Variants in TAF1B observed in about 807,000 individuals in gnomAD.
TAF1B encodes TATA-box binding protein associated factor, RNA polymerase I subunit B, also known as TATA box-binding protein-associated factor RNA polymerase I subunit B.
Under a neutral mutation model 83.9 loss-of-function variants are expected in TAF1B, and 61 were observed. That is an observed-to-expected ratio of 0.73 (90% confidence interval 0.59 to 0.90). The LOEUF is 0.90. TAF1B is among the 40% of genes least tolerant of loss of function. The pLI is 0.00. For missense variants in TAF1B, 625 were observed against 677.0 expected (o/e 0.92, Z 0.85); for synonymous variants, 221 against 224.6 (o/e 0.98, Z 0.14).
intron 8 of TAF1B, among the ~76,000 whole-genome samples, chr2:9,886,308 A>T (rs1331031888): frequency 6.6e-6 from 1 of 152,068 alleles, no homozygotes; most frequent in African/African-American, 2.4e-5. Context: ...CTTGATCTGC[A>T]GTCCAGTGCT....
chr2:9,920,667 A>G (rs910684982), intron 14 of TAF1B, among the ~76,000 whole-genome samples: 6 of 152,064 alleles, frequency 3.9e-5, no homozygotes, highest in African/African-American at 9.7e-5. Flanking sequence ...TGTAGTTACT[A>G]TGTTTCCCCT....
intron 14 of TAF1B, among the ~76,000 whole-genome samples, chr2:9,927,653 G>C (rs1270668660): frequency 6.6e-6 from 1 of 152,162 alleles, no homozygotes; most frequent in Non-Finnish European, 1.5e-5. Context: ...GTGTCTGTTG[G>C]CTGCATAAAT....
chr2:9,873,232 G>T (rs1275615508), intron 6 of TAF1B, among the ~76,000 whole-genome samples: 1 of 152,170 alleles, frequency 6.6e-6, no homozygotes, highest in Non-Finnish European at 1.5e-5. Flanking sequence ...TGTTTATATT[G>T]TAGTAGGAGG....
intron 12 of TAF1B, among the ~76,000 whole-genome samples, chr2:9,915,494 G>A (rs12477755): frequency 0.28 from 42,470 of 151,624 alleles, 6,920 homozygotes; most frequent in Middle Eastern, 0.4. Flanking sequence ...TTGAAAAGAC[G>A]TTTTACCAAA....
chr2:9,909,067 TTC>T (rs1428347790), intron 9 of TAF1B, among the ~76,000 whole-genome samples: 1 of 152,244 alleles, frequency 6.6e-6, no homozygotes, highest in African/African-American at 2.4e-5. Context: ...GTTATATGTG[TTC>T]TGTTTCTATG....
intron 9 of TAF1B, among the ~76,000 whole-genome samples, chr2:9,909,070 T>G (rs1665441245): frequency 6.6e-6 from 1 of 152,270 alleles, no homozygotes; most frequent in African/African-American, 2.4e-5. Flanking sequence ...ATATGTGTTC[T>G]GTTTCTATGT....
At chr2:9,864,691 T>G (rs1473586498) in intron 5 of TAF1B, among the ~76,000 whole-genome samples, 1 of 152,134 alleles carries the variant, frequency 6.6e-6, no homozygotes, top group Non-Finnish European at 1.5e-5. Context: ...AAATCCTCAA[T>G]AAAATACTGG....
chr2:9,925,589 G>T (rs1348077091), intron 14 of TAF1B, among the ~76,000 whole-genome samples: 1 of 147,340 alleles, frequency 6.8e-6, no homozygotes, highest in Admixed American at 6.7e-5. Flanking sequence ...TGGGGTGTTT[G>T]TTTTTTTTTT....
intron 8 of TAF1B, among the ~76,000 whole-genome samples, chr2:9,892,522 T>A (rs938428718): frequency 6.6e-6 from 1 of 152,234 alleles, no homozygotes; most frequent in African/African-American, 2.4e-5. Context: ...TTCATATAAG[T>A]GAGATCATGC....
At chr2:9,920,419 G>A (rs1026656687) in intron 14 of TAF1B, among the ~76,000 whole-genome samples, 2 of 152,068 alleles carry the variant, frequency 1.3e-5, no homozygotes, top group Non-Finnish European at 2.9e-5. Flanking sequence ...ATGACATTGA[G>A]CTGTATTTTT....
intron 9 of TAF1B, among the ~76,000 whole-genome samples, chr2:9,906,169 C>G (rs1028242110): frequency 6.6e-6 from 1 of 152,064 alleles, no homozygotes; most frequent in Non-Finnish European, 1.5e-5. Flanking sequence ...CAGGGATTAT[C>G]AAAATATAAC....
At chr2:9,885,902 T>A (rs954934458) in intron 8 of TAF1B, among the ~76,000 whole-genome samples, 1 of 152,190 alleles carries the variant, frequency 6.6e-6, no homozygotes, top group Admixed American at 6.5e-5. Context: ...AACCAAATTA[T>A]AAGCTCCTCA....
At chr2:9,924,304 C>T (rs2125182652) in intron 14 of TAF1B, among the ~76,000 whole-genome samples, 1 of 152,304 alleles carries the variant, frequency 6.6e-6, no homozygotes, top group South Asian at 2.1e-4. Context: ...CTCAGAGCCC[C>T]TGACTCTGCC....
intron 2 of TAF1B, among the ~76,000 whole-genome samples, chr2:9,847,087 ACT>A (rs1388623726): frequency 6.6e-6 from 1 of 152,166 alleles, no homozygotes; most frequent in Non-Finnish European, 1.5e-5. Flanking sequence ...TGATTTTGAT[ACT>A]GTTTCCGTTT....
At chr2:9,896,620 C>CAA (rs71391108) in intron 8 of TAF1B, among the ~76,000 whole-genome samples, 452 of 66,362 alleles carry the variant, frequency 6.8e-3, no homozygotes, top group African/African-American at 0.013. Flanking sequence ...ATCTAAAAAC[C>CAA]AAAAAAAAAA....
chr2:9,907,618 C>T (rs1665385393), intron 9 of TAF1B, among the ~76,000 whole-genome samples: 2 of 152,088 alleles, frequency 1.3e-5, no homozygotes, highest in African/African-American at 4.8e-5. Flanking sequence ...AGCTCAGATG[C>T]ACTCTCCACC....
intron 14 of TAF1B, among the ~76,000 whole-genome samples, chr2:9,920,816 A>G (rs1665856202): frequency 6.6e-6 from 1 of 152,214 alleles, no homozygotes; most frequent in South Asian, 2.1e-4. Context: ...TCTAGAAAAC[A>G]ACACGCGCTT....
rs10495576 is a variant in TAF1B at position 9,910,924 on chromosome 2, G to A, written c.1133+11G>A. ...TGACAGTTTCGAGTGGTAAGTGTAC[G>A]TCAATTTTATGACAAGTAACATTTT... On this transcript the variant is annotated intron_variant, in intron 10 of 14. Transcript: ENST00000263663. The A allele has an allele frequency of 6.4e-3, 10,166 of 1,596,220 alleles. 97 individuals carry two copies. The highest frequency in any genetic ancestry group is 0.026 in the South Asian group (2,297 of 88,242).
intron 5 of TAF1B, among the ~76,000 whole-genome samples, chr2:9,859,399 T>TG (rs1292602399): frequency 1.4e-4 from 21 of 151,786 alleles, no homozygotes; most frequent in Non-Finnish European, 2.9e-5. Context: ...TTTTTTTTTT[T>TG]TTTTTGAGAT....
Sources: gnomAD v4.1 joint callset for allele counts (sites outside exome capture counted in the v4.1 genomes callset) on GRCh38, gnomAD v4.1.1 for gene constraint, MANE v1.5 for transcripts, NCBI Gene and HGNC (gene_info 2026-07-23, HGNC 2026-07-21) for gene names.